GPC4: variants seen among roughly 807,000 people sequenced by gnomAD.
GPC4 encodes the protein glypican-4.
GPC4 carries 10 observed loss-of-function variants against 35.0 expected under a neutral mutation model. The observed-to-expected ratio is 0.29, with a 90% CI of 0.18 to 0.48. GPC4 has a LOEUF of 0.48. GPC4 is among the 20% of genes least tolerant of loss of function. The pLI, the probability that GPC4 is intolerant of heterozygous loss-of-function variation, is 0.99. For missense variants in GPC4, 322 were observed against 451.3 expected (o/e 0.71, Z 2.60); for synonymous variants, 167 against 170.2 (o/e 0.98, Z 0.15).
At position 133,354,630 on chromosome X, in the gene GPC4, G is replaced by A. The variant is rs1236546342; in HGVS notation, c.161-15289C>T. ...AGGCCAGACTGCGGACTGCAGTGGCGCAATCTCGGCTCACTGCAAGCTCCG... is the reference window on the plus strand; with the variant it reads ...AGGCCAGACTGCGGACTGCAGTGGCACAATCTCGGCTCACTGCAAGCTCCG... On this transcript the variant is annotated intron_variant, in intron 1 of 8. Transcript: ENST00000370828. Among the ~76,000 whole-genome samples, 11 of 105,369 alleles carry A rather than the reference G, an allele frequency of 1.0e-4. No homozygotes were observed. In the South Asian group the frequency reaches 2.1e-3, roughly 20 times the overall value. 91.5% of individuals were successfully genotyped at this position (105,369 alleles called of 115,157 possible).
chrX:133,303,489 C>T, intron 7 of GPC4, 148 bp from the exon 8 acceptor site: 1 of 454,020 alleles, frequency 2.2e-6, no homozygotes, highest in Non-Finnish European at 3.6e-6. Flanking sequence ...CTAGTATTTC[C>T]ACTAAGCAAA....
chrX:133,407,976 A>C (rs1345017324), intron 1 of GPC4, among the ~76,000 whole-genome samples: 4 of 112,272 alleles, frequency 3.6e-5, no homozygotes, highest in Admixed American at 1.9e-4. Context: ...TTTTTCCCCT[A>C]ATTTCTAACA....
intron 1 of GPC4, among the ~76,000 whole-genome samples, chrX:133,373,570 C>T (rs1172474909): frequency 9.0e-6 from 1 of 111,419 alleles, no homozygotes; most frequent in Admixed American, 9.6e-5. Flanking sequence ...TTACAAAATC[C>T]CAACCTCAAG....
chrX:133,305,891 G>A lies in GPC4; in HGVS notation c.1036C>T (p.Pro346Ser). The change falls in exon 6 of 9, where the codon CCC (proline) becomes TCC (serine). Residue 346 changes from proline to serine, a missense_variant. By Grantham distance (74) the Pro-to-Ser change is moderately conservative. Around this residue, in one of 3 missense-constraint regions of GPC4, gnomAD observed 163 missense variants for 277.2 expected, o/e 0.59. Transcript: ENST00000370828. ...KVFQGCGPPK[P>S]LPAGRISRSI... is the part of the protein sequence containing the mutation. ...CGAGAAATTCGTCCAGCTGGGAGGG[G>A]CTTGGGGGGTCCACATCCCTGGAAA... 8.3e-7 allele frequency: 1 copy of A among 1,211,460 alleles called. No homozygotes were observed.
At chrX:133,386,789 T>C (rs1164423915) in intron 1 of GPC4, among the ~76,000 whole-genome samples, 1 of 111,905 alleles carries the variant, frequency 8.9e-6, no homozygotes, top group Non-Finnish European at 1.9e-5. Context: ...TAGTTTATGG[T>C]TTTGAGACAA....
At chrX:133,313,843 A>G (rs2068326340) in intron 3 of GPC4, among the ~76,000 whole-genome samples, 1 of 112,356 alleles carries the variant, frequency 8.9e-6, no homozygotes, top group South Asian at 3.7e-4. Context: ...AGGAAACTGT[A>G]ATCTTAGGCA....
chrX:133,401,457 A>G (rs192030102), intron 1 of GPC4, among the ~76,000 whole-genome samples: 165 of 111,825 alleles, frequency 1.5e-3, no homozygotes, highest in African/African-American at 5.1e-3. Flanking sequence ...AATTTTACAT[A>G]TATCTTGAAA....
intron 3 of GPC4, among the ~76,000 whole-genome samples, chrX:133,319,700 T>TA (rs2068355862): frequency 9.0e-6 from 1 of 110,712 alleles, no homozygotes; most frequent in Non-Finnish European, 1.9e-5. Context: ...CCCATATATA[T>TA]AAAAAACATT....
At chrX:133,311,471 A>G (rs1438548846) in intron 3 of GPC4, 48 bp from the exon 4 acceptor site, 7 of 1,126,141 alleles carry the variant, frequency 6.2e-6, no homozygotes, top group African/African-American at 1.8e-5. Flanking sequence ...GCTAAAATAG[A>G]GACAGAAATT....
chrX:133,323,942 A>G (rs975060509), intron 3 of GPC4, among the ~76,000 whole-genome samples: 1 of 111,988 alleles, frequency 8.9e-6, no homozygotes, highest in Non-Finnish European at 1.9e-5. Context: ...ATAGGTGAAG[A>G]TTCTGATCAC....
intron 2 of GPC4, among the ~76,000 whole-genome samples, chrX:133,328,082 A>G (rs1428751631): frequency 1.8e-5 from 2 of 111,053 alleles, no homozygotes; most frequent in Admixed American, 9.6e-5. Context: ...TTTACCATAC[A>G]CTGCCACTCT....
chrX:133,315,316 G>A (rs757859428), intron 3 of GPC4, among the ~76,000 whole-genome samples: 2 of 109,948 alleles, frequency 1.8e-5, no homozygotes, highest in Admixed American at 1.9e-4. Flanking sequence ...AAGTTCTCTC[G>A]TGGAGCTTCT....
intron 1 of GPC4, among the ~76,000 whole-genome samples, chrX:133,355,751 T>A (rs1290707923): frequency 9.0e-6 from 1 of 111,193 alleles, no homozygotes; most frequent in Admixed American, 9.5e-5. Context: ...TGTGGGTGGA[T>A]CCCTCATGAA....
At chrX:133,316,471 A>G (rs12397050) in intron 3 of GPC4, among the ~76,000 whole-genome samples, 46,822 of 110,314 alleles carry the variant, frequency 0.42, 9,313 homozygotes, top group African/African-American at 0.78. Flanking sequence ...TAATCCTTTC[A>G]CCAGAGCTCC....
chrX:133,324,819 T>C (rs892174169), intron 2 of GPC4, among the ~76,000 whole-genome samples: 6 of 111,276 alleles, frequency 5.4e-5, no homozygotes, highest in Non-Finnish European at 1.1e-4. Context: ...AATACACACA[T>C]GCTCTCATTC....
intron 1 of GPC4, among the ~76,000 whole-genome samples, chrX:133,387,215 T>C (rs1215815371): frequency 8.9e-6 from 1 of 112,107 alleles, no homozygotes; most frequent in Non-Finnish European, 1.9e-5. Flanking sequence ...ACAGATATCC[T>C]TAGGGTGGGC....
intron 1 of GPC4, among the ~76,000 whole-genome samples, chrX:133,384,620 C>T (rs995717753): frequency 1.8e-4 from 20 of 111,175 alleles, no homozygotes; most frequent in African/African-American, 5.6e-4. Context: ...CGGGCTATAG[C>T]GTGACAGGTA....
chrX:133,348,238 T>A (rs1218683102), intron 1 of GPC4, among the ~76,000 whole-genome samples: 1 of 112,312 alleles, frequency 8.9e-6, no homozygotes, highest in African/African-American at 3.2e-5. Flanking sequence ...ATTTTAACTA[T>A]ACCAAAGGTT....
intron 1 of GPC4, among the ~76,000 whole-genome samples, chrX:133,346,230 G>A (rs1315952496): frequency 1.8e-5 from 2 of 111,665 alleles, no homozygotes; most frequent in Non-Finnish European, 3.8e-5. Context: ...AGTAGCCTCT[G>A]GTCCTTTTGT....
Sources: gnomAD v4.1 joint callset for allele counts (sites outside exome capture counted in the v4.1 genomes callset) on GRCh38, gnomAD v4.1.1 for gene constraint, gnomAD v4.1.1 regional missense constraint, MANE v1.5 for transcripts, NCBI Gene and HGNC (gene_info 2026-07-23, HGNC 2026-07-21) for gene names.